Variants in VPS8 observed in about 807,000 individuals in gnomAD.
VPS8 encodes vacuolar protein sorting-associated protein 8 homolog.
VPS8 carries 129 observed loss-of-function variants against 216.4 expected under a neutral mutation model. The observed-to-expected ratio is 0.60, with a 90% CI of 0.52 to 0.69. The LOEUF (loss-of-function observed/expected upper bound fraction) is 0.69. Ranked by LOEUF, VPS8 falls within the 30% of genes least tolerant of loss-of-function variation. The probability of loss-of-function intolerance (pLI) is 0.00; values close to 1 mark genes in which losing one functional copy is unlikely to be tolerated. For missense variants in VPS8, 1,531 were observed against 1,683.5 expected, an observed-to-expected ratio of 0.91 and a Z score of 1.59; for synonymous variants, 571 against 565.4, an observed-to-expected ratio of 1.01 and a Z score of -0.14.
At position 185,004,596 on chromosome 3, in the gene VPS8, A is replaced by G. The variant is rs951099378; in HGVS notation, c.4002+4735A>G. On this transcript the variant is annotated intron_variant, in intron 45 of 47. Transcript: ENST00000625842. ...AAAGTGGTGTCTTATTGCGGTTTCA[A>G]TTTGCATTTCTCTGATAGTTTAGTG... Among the ~76,000 whole-genome samples, 4 of 152,018 alleles carry G rather than the reference A, an allele frequency of 2.6e-5. No homozygotes were observed. In the East Asian group the frequency reaches 5.8e-4, roughly 22 times the overall value.
chr3:184,872,914 T>C (rs1455903331), intron 21 of VPS8, among the ~76,000 whole-genome samples: 3 of 152,024 alleles, frequency 2.0e-5, no homozygotes, highest in Non-Finnish European at 4.4e-5. Context: ...TATCTGCAAA[T>C]CACAGAACAT....
At chr3:184,867,706 T>C (rs1007150724) in intron 17 of VPS8, among the ~76,000 whole-genome samples, 2 of 152,004 alleles carry the variant, frequency 1.3e-5, no homozygotes, top group African/African-American at 4.8e-5. Flanking sequence ...ATTAGCCAGT[T>C]GTGGTGGCAG....
At chr3:184,902,754 C>T (rs1419158543) in intron 25 of VPS8, among the ~76,000 whole-genome samples, 11 of 150,994 alleles carry the variant, frequency 7.3e-5, no homozygotes, top group Admixed American at 2.0e-4. Context: ...CGCTTGAACC[C>T]GGGAGGCGGA....
At chr3:185,051,515 G>A (rs894122846) in intron 47 of VPS8, among the ~76,000 whole-genome samples, 4 of 152,134 alleles carry the variant, frequency 2.6e-5, no homozygotes, top group Admixed American at 6.5e-5. Flanking sequence ...CCCAGGGCGC[G>A]TCCACAGGGA....
chr3:185,033,231 T>C (rs893459707), intron 46 of VPS8, among the ~76,000 whole-genome samples: 5 of 152,232 alleles, frequency 3.3e-5, no homozygotes, highest in African/African-American at 1.2e-4. Flanking sequence ...TATCCACCAT[T>C]ACACCGTCAT....
At chr3:184,818,551 A>G (rs988444023) in intron 1 of VPS8, among the ~76,000 whole-genome samples, 1 of 150,774 alleles carries the variant, frequency 6.6e-6, no homozygotes, top group African/African-American at 2.4e-5. Context: ...TCCATTTGCC[A>G]GAAGGTAATA....
At chr3:185,026,339 T>A (rs540772984) in intron 46 of VPS8, among the ~76,000 whole-genome samples, 4 of 152,098 alleles carry the variant, frequency 2.6e-5, no homozygotes, top group African/African-American at 9.6e-5. Flanking sequence ...GACTTGAGCA[T>A]CCATGGATTT....
intron 46 of VPS8, among the ~76,000 whole-genome samples, chr3:185,032,666 A>T (rs559463273): frequency 2.2e-4 from 33 of 151,754 alleles, no homozygotes; most frequent in African/African-American, 7.0e-4. Flanking sequence ...TGTAATTAAT[A>T]GCCTTTTTTT....
At chr3:185,006,212 G>A (rs982349636) in intron 45 of VPS8, among the ~76,000 whole-genome samples, 1 of 152,138 alleles carries the variant, frequency 6.6e-6, no homozygotes, top group African/African-American at 2.4e-5. Context: ...ATAAGATATT[G>A]TAAAAAGATC....
chr3:184,926,630 C>T lies in VPS8; in HGVS notation c.2611C>T (p.Arg871Ter), dbSNP rs1739704795. ...CCTTTGTAGTCCTGACGATGACTCC[C>T]GACACTCTGAAAGACAGCAGGTATG... ...EFLCSPDDDS[R>*]HSERQQVLLE... The change falls in exon 31 of 48, where the codon CGA becomes TGA. Residue 871 changes from arginine to a stop codon, truncating the protein, a stop_gained. Coordinates refer to ENST00000625842, the MANE Select transcript of VPS8 (RefSeq NM_001009921.3). LOFTEE classifies it high-confidence loss of function. 6.2e-7 allele frequency: 1 copy of T among 1,605,476 alleles called. No individual in the cohort carries two copies. The highest frequency in any genetic ancestry group is 1.3e-5 in the African/African-American group (1 of 74,734).
intron 37 of VPS8, among the ~76,000 whole-genome samples, chr3:184,959,813 T>TC (rs902447116): frequency 6.6e-6 from 1 of 152,044 alleles, no homozygotes; most frequent in African/African-American, 2.4e-5. Context: ...TTCTTTTTTT[T>TC]CCCTTCTATT....
chr3:184,926,768 T>TA (rs1461601355), intron 31 of VPS8, 118 bp downstream of exon 31: 7 of 1,000,368 alleles, frequency 7.0e-6, no homozygotes, highest in Non-Finnish European at 1.0e-5. Flanking sequence ...CAAACCCTAA[T>TA]ACGAAGTTAG....
intron 14 of VPS8, among the ~76,000 whole-genome samples, chr3:184,856,732 C>T (rs1262633884): frequency 6.6e-6 from 1 of 152,224 alleles, no homozygotes; most frequent in African/African-American, 2.4e-5. Context: ...TAGCTAGTCT[C>T]TGGCCTCAGT....
chr3:184,835,931 G>A (rs193083104), intron 5 of VPS8, among the ~76,000 whole-genome samples: 3 of 151,872 alleles, frequency 2.0e-5, no homozygotes, highest in Admixed American at 6.6e-5. Context: ...GGATGGTCTC[G>A]ATCTCCTGAC....
intron 42 of VPS8, among the ~76,000 whole-genome samples, chr3:184,992,135 A>G (rs950381537): frequency 4.6e-5 from 7 of 152,170 alleles, no homozygotes; most frequent in Non-Finnish European, 1.0e-4. Context: ...AAACTGCACA[A>G]CCTATTCTGC....
chr3:185,020,775 TAAC>T (rs757139583), intron 45 of VPS8, among the ~76,000 whole-genome samples: 3 of 152,190 alleles, frequency 2.0e-5, no homozygotes, highest in Non-Finnish European at 2.9e-5. Context: ...AGCCCTATTT[TAAC>T]AACAACAACA....
chr3:184,947,289 G>C (rs764669076), intron 36 of VPS8, among the ~76,000 whole-genome samples: 2 of 152,132 alleles, frequency 1.3e-5, no homozygotes, highest in Non-Finnish European at 2.9e-5. Flanking sequence ...TATTTTGATT[G>C]TTCTGTGCCC....
chr3:185,018,488 C>T (rs1756151795), intron 45 of VPS8, among the ~76,000 whole-genome samples: 1 of 152,220 alleles, frequency 6.6e-6, no homozygotes, highest in Non-Finnish European at 1.5e-5. Flanking sequence ...TCTGCAGTTA[C>T]ATTAATTTGC....
rs1308233662 is a variant in VPS8, at chr3:184,850,025, A to G, written c.753+3A>G. ...GAACAGCAATATTGCATATCAAGGT[A>G]AGAGCTTTATTTTCTTTTCCTAATA... On this transcript the variant is annotated splice_donor_region_variant and intron_variant, in intron 10 of 47. Coordinates refer to ENST00000625842, the MANE Select transcript of VPS8 (RefSeq NM_001009921.3). 1 of 1,598,204 alleles carries G rather than the reference A, an allele frequency of 6.3e-7. No individual in the cohort carries two copies. Among genetic ancestry groups the G allele is most frequent in the Admixed American group, 1.8e-5 (1 of 55,222 alleles).
Sources: gnomAD v4.1 joint callset for allele counts (sites outside exome capture counted in the v4.1 genomes callset) on GRCh38, gnomAD v4.1.1 for gene constraint, MANE v1.5 for transcripts, NCBI Gene and HGNC (gene_info 2026-07-23, HGNC 2026-07-21) for gene names.